The following CAPN12 variants were observed in gnomAD, a reference collection of about 807,000 sequenced individuals.
The protein encoded by CAPN12 is calpain-12.
A neutral mutation model predicts 95.0 loss-of-function variants in CAPN12; 107 were observed. The observed-to-expected ratio is 1.13, with a 90% CI of 0.96 to 1.32. The LOEUF is 1.32. Among genes scored for constraint, CAPN12 ranks in the 40% most tolerant of loss-of-function variants. The pLI, the probability that CAPN12 is intolerant of heterozygous loss-of-function variation, is 0.00. For missense variants in CAPN12, 1,136 were observed against 997.8 expected, an observed-to-expected ratio of 1.14 and a Z score of -1.87; for synonymous variants, 505 against 415.5, an observed-to-expected ratio of 1.22 and a Z score of -2.62.
rs1212918786 is a variant in CAPN12, at chr19:38,737,298, C to T, written c.1220G>A (p.Trp407Ter). The part of the protein sequence containing the change: ...DEDEEGPWGG[W>*]GAAGARGPAR... ...TGGGCCCCGTGCCCCTGCAGCCCCC[C>T]AGCCCCCCCAGGGCCCTTCCTCATC... The change falls in exon 10 of 21, where the codon TGG (tryptophan) becomes TAG (stop). Residue 407 changes from tryptophan to a stop codon, truncating the protein, a stop_gained. Coordinates refer to ENST00000328867, the MANE Select transcript of CAPN12 (RefSeq NM_144691.4). LOFTEE classifies it high-confidence loss of function. 7 of 1,550,324 alleles carry T rather than the reference C, an allele frequency of 4.5e-6. No homozygotes were observed. Among genetic ancestry groups the T allele is most frequent in the Non-Finnish European group, 6.1e-6 (7 of 1,147,382 alleles).
chr19:38,735,090 G>A (rs1969924216), intron 14 of CAPN12: 5 of 605,940 alleles, frequency 8.3e-6, no homozygotes, highest in South Asian at 8.2e-5. Context: ...GCAGGGGGGT[G>A]GTCAGGGAGA....
chr19:38,730,942 C>G lies in CAPN12; in HGVS notation c.2133+23G>C, dbSNP rs759994202. The G allele has an allele frequency of 3.2e-6, 5 of 1,550,424 alleles. No homozygotes were observed. The African/African-American group carries it at 5.5e-5, about 17-fold the overall frequency. On this transcript the variant is annotated intron_variant, in intron 20 of 20. Coordinates refer to ENST00000328867, the MANE Select transcript of CAPN12 (RefSeq NM_144691.4). ...GCTCGCAGGACAGAGCCTGAGCCAC[C>G]CTGTCCCTCCCACCTGGCTCACCTG...
chr19:38,735,115 G>A (rs2145170451), intron 14 of CAPN12: 2 of 605,818 alleles, frequency 3.3e-6, no homozygotes, highest in Non-Finnish European at 5.8e-6. Context: ...CCAGGGCTGG[G>A]CACCTTAGAT....
Position 38,744,343 on chromosome 19 carries a change from T to C in CAPN12, c.-178A>G. ...CAGGGACGCCTCTTCAGTAGCTTTC[T>C]TCCCAGGGCGTGGGGCCTTCAGTTG... On this transcript the variant is annotated 5_prime_UTR_variant, in exon 1 of 21. Transcript: ENST00000328867. The C allele has an allele frequency of 1.6e-6, 1 of 641,342 alleles. No homozygotes were observed. The highest frequency in any genetic ancestry group is 2.7e-6 in the Non-Finnish European group (1 of 370,440). 39.7% of individuals were successfully genotyped at this position (641,342 alleles called of 1,614,324 possible).
chr19:38,735,625 T>G (rs1969985680), intron 12 of CAPN12, 81 bp from the exon 13 acceptor site: 1 of 1,410,820 alleles, frequency 7.1e-7, no homozygotes, highest in Admixed American at 2.0e-5. Flanking sequence ...AGGTGAGGAA[T>G]CGCGTGGGGT....
Position 38,736,536 on chromosome 19 carries a change from C to T in CAPN12, c.1374+16G>A. The T allele has an allele frequency of 6.3e-7, 1 of 1,585,884 alleles. No individual in the cohort carries two copies. The highest frequency in any genetic ancestry group is 8.6e-7 in the Non-Finnish European group (1 of 1,166,970). On this transcript the variant is annotated intron_variant, in intron 11 of 20. Transcript: ENST00000328867. Reference sequence around the variant, plus strand: ...TGACCAAGCCCCAGGGCCGGTTGACCCCATCCCAGACTCACCTCCTCTGGA... The same window carrying T: ...TGACCAAGCCCCAGGGCCGGTTGACTCCATCCCAGACTCACCTCCTCTGGA...
At chr19:38,734,586 C>A (rs45455691) in intron 15 of CAPN12, 197 bp from the exon 16 acceptor site, 17 of 658,118 alleles carry the variant, frequency 2.6e-5, no homozygotes, top group Non-Finnish European at 3.6e-5. Flanking sequence ...AGTCTGTGCT[C>A]AAGGCAGCCT....
chr19:38,736,795 G>A (rs1970206924), intron 10 of CAPN12: 2 of 603,878 alleles, frequency 3.3e-6, no homozygotes, highest in Non-Finnish European at 5.8e-6. Context: ...GTCCCCTCTG[G>A]CCCTTCTAAC....
chr19:38,743,186 T>C (rs1970662783), intron 1 of CAPN12, 84 bp from the exon 2 acceptor site: 2 of 1,525,044 alleles, frequency 1.3e-6, no homozygotes, highest in Admixed American at 1.7e-5. Flanking sequence ...TCCAAGCCCA[T>C]GAAAGGCCTG....
rs1232001718 is a variant in CAPN12, at chr19:38,737,223, T to C, written c.1295A>G (p.Gln432Arg). ...GGCTCTCAGGCGCCGCCGGTTGCGC[T>C]GGATGAGGGACAGAAGGACCGTGCA... ...PKCTVLLSLI[Q>R]RNRRRLRAKG... is the part of the protein sequence containing the mutation. The change falls in exon 10 of 21, where the codon CAG becomes CGG. Residue 432 changes from glutamine (Q) to arginine (R), a missense_variant. Gln to Arg is a conservative substitution (Grantham distance 43, BLOSUM62 1). Coordinates refer to ENST00000328867, the MANE Select transcript of CAPN12 (RefSeq NM_144691.4). The C allele has an allele frequency of 1.2e-5, 19 of 1,550,872 alleles. No homozygotes were observed. The highest frequency in any genetic ancestry group is 2.4e-5 in the South Asian group (2 of 84,216).
chr19:38,732,983 A>T (rs1599884092), intron 18 of CAPN12: 1 of 152,252 alleles, frequency 6.6e-6, no homozygotes, highest in South Asian at 2.1e-4. Flanking sequence ...AACTCAGCCT[A>T]GTAGCAGAGG....
At chr19:38,733,880 C>T (rs1050505705) in intron 17 of CAPN12, 99 bp from the exon 18 acceptor site, 1 of 1,055,600 alleles carries the variant, frequency 9.5e-7, no homozygotes, top group Non-Finnish European at 1.4e-6. Flanking sequence ...TCCCAACTCC[C>T]TTTCTTCTGG....
rs1434587996 is a variant in CAPN12, at chr19:38,742,535, G to A, written c.308-7C>T. ...GCAAGGAACCAGCAGTTACCTGGGA[G>A]GAGAGGCCAGGATTAGGTGAGGATG... On this transcript the variant is annotated splice_region_variant and splice_polypyrimidine_tract_variant and intron_variant, in intron 2 of 20. Coordinates refer to ENST00000328867, the MANE Select transcript of CAPN12 (RefSeq NM_144691.4). The A allele has an allele frequency of 6.3e-7, 1 of 1,590,936 alleles. No individual in the cohort carries two copies. Among genetic ancestry groups the A allele is most frequent in the Non-Finnish European group, 8.6e-7 (1 of 1,162,090 alleles).
chr19:38,736,042 G>T (rs1970108275), intron 12 of CAPN12, 68 bp downstream of exon 12: 1 of 1,085,374 alleles, frequency 9.2e-7, no homozygotes, highest in Non-Finnish European at 1.2e-6. Flanking sequence ...CGGGGGTCTC[G>T]GGGGTCTCGG....
chr19:38,736,355 C>CG (rs1568781790), intron 11 of CAPN12, 37 bp from the exon 12 acceptor site: 1 of 1,464,946 alleles, frequency 6.8e-7, no homozygotes. Context: ...ACCAGGCTCA[C>CG]CCCCGGCCCT....
intron 10 of CAPN12, chr19:38,736,787 C>A: frequency 1.7e-6 from 1 of 605,556 alleles, no homozygotes; most frequent in Non-Finnish European, 2.9e-6. Flanking sequence ...TATCCTTGGT[C>A]CCCTCTGGCC....
Position 38,743,066 on chromosome 19 carries a change from T to A in CAPN12, c.274A>T (p.Met92Leu). The A allele has an allele frequency of 2.3e-5, 37 of 1,613,986 alleles. No homozygotes were observed. Among genetic ancestry groups the A allele is most frequent in the Non-Finnish European group, 3.1e-5 (37 of 1,179,962 alleles). ...CAEPKFICED[M>L]SRTDVCQGSL... ...CCCTGACACACGTCTGTGCGGCTCA[T>A]GTCTTCACAGATGAACTTCGGCTCA... is the stretch of plus-strand genomic sequence containing the variant. The change falls in exon 2 of 21, where the codon ATG (methionine) becomes TTG (leucine). Residue 92 changes from methionine (M) to leucine (L), a missense_variant. By Grantham distance (15) the Met-to-Leu change is conservative (BLOSUM62 2). Coordinates refer to ENST00000328867, the MANE Select transcript of CAPN12 (RefSeq NM_144691.4).
Position 38,742,470 on chromosome 19 carries a change from G to A in CAPN12, c.366C>T (p.Arg122=), listed in dbSNP as rs1445252935. Reference sequence around the variant, plus strand: ...AATCCTGTCCAGGAGGGACCACCCGGCGCAGGAGCCGGGGATACAGAGTAA... The same window carrying A: ...AATCCTGTCCAGGAGGGACCACCCGACGCAGGAGCCGGGGATACAGAGTAA... ...ASLTLYPRLL[R]RVVPPGQDFQ... is the part of the protein sequence containing the mutation. The change falls in exon 3 of 21, where the codon CGC becomes CGT. Residue 122 remains arginine (R), a synonymous_variant. Coordinates refer to ENST00000328867, the MANE Select transcript of CAPN12 (RefSeq NM_144691.4). 1.2e-6 allele frequency: 2 copies of A among 1,613,928 alleles called. No individual in the cohort carries two copies. The highest frequency in any genetic ancestry group is 1.7e-5 in the Admixed American group (1 of 59,964).
Position 38,736,906 on chromosome 19 carries a change from A to ACCCCAGGAAGCCTCTCAGG in CAPN12, c.1362+249_1362+250insCCTGAGAGGCTTCCTGGGG. 6 of 152,898 alleles carry ACCCCAGGAAGCCTCTCAGG rather than the reference A, an allele frequency of 3.9e-5. No homozygotes were observed. In the South Asian group the frequency reaches 4.4e-4, roughly 11 times the overall value. 9.5% of individuals were successfully genotyped at this position (152,898 alleles called of 1,614,324 possible). On this transcript the variant is annotated intron_variant, in intron 10 of 20. Transcript: ENST00000328867. ...TCTCCCCTCTGAGACCTGGCCCCCC[A>ACCCCAGGAAGCCTCTCAGG]GCCCTACTAGCCCCCTACTCCCCTC...
Sources: allele counts gnomAD v4.1 joint callset, GRCh38; gene constraint gnomAD v4.1.1; transcripts MANE v1.5; gene names NCBI Gene and HGNC (gene_info 2026-07-23, HGNC 2026-07-21).